WDFY4: variants seen among roughly 807,000 people sequenced by gnomAD.
WDFY4 encodes the protein WDFY family member 4.
Under a neutral mutation model 351.9 loss-of-function variants are expected in WDFY4, and 169 were observed. The ratio of observed to expected loss-of-function variants is 0.48; its 90% CI spans 0.42 to 0.55. The LOEUF (loss-of-function observed/expected upper bound fraction) is 0.55. Among genes scored for constraint, WDFY4 ranks in the 20% least tolerant of loss-of-function variants. The pLI, the probability that WDFY4 is intolerant of heterozygous loss-of-function variation, is 0.00. For missense variants in WDFY4, 3,803 were observed against 3,935.6 expected (o/e 0.97, Z 0.90); for synonymous variants, 1,622 against 1,574.6 (o/e 1.03, Z -0.71).
At position 48,787,858 on chromosome 10, in the gene WDFY4, T is replaced by TTCTTCTTC. The variant is rs1206154453; in HGVS notation, c.3809-671_3809-670insCTTCTTCT. On this transcript the variant is annotated intron_variant, in intron 20 of 61. Transcript: ENST00000325239. ...CTTCTTCTTCTTCTTCTTCTTCTTC[T>TTCTTCTTC]TTCTTCTTCTTTCTTCTTTCTTTCT... is the stretch of plus-strand genomic sequence containing the variant. 4.2e-4 allele frequency among the ~76,000 whole-genome samples: 28 copies of TTCTTCTTC among 66,054 alleles called. 1 individual carries two copies. Among genetic ancestry groups the TTCTTCTTC allele is most frequent in the East Asian group, 2.3e-3 (2 of 884 alleles). The allele number at this position is 66,054 out of a possible 152,430, so 43.3% of individuals were successfully genotyped here. A position where few individuals can be genotyped will look rare whatever the true frequency, so the allele number is the denominator to read the frequency against.
intron 35 of WDFY4, chr10:48,823,406 C>G: frequency 8.3e-7 from 1 of 1,207,040 alleles, no homozygotes. Context: ...AGGAGGACCA[C>G]TCTCCTTCCT....
At chr10:48,705,499 G>A (rs1589422634) in intron 1 of WDFY4, among the ~76,000 whole-genome samples, 2 of 152,056 alleles carry the variant, frequency 1.3e-5, no homozygotes, top group South Asian at 4.1e-4. Flanking sequence ...ACGGATGAGA[G>A]TGTTTTTTTC....
Position 48,946,897 on chromosome 10 carries a change from C to T in WDFY4, c.7905C>T (p.Tyr2635=). 2 of 1,552,092 alleles carry T rather than the reference C, an allele frequency of 1.3e-6. No individual in the cohort carries two copies. Among genetic ancestry groups the T allele is most frequent in the South Asian group, 1.2e-5 (1 of 84,058 alleles). Residue 2635 remains tyrosine, a synonymous_variant, in exon 51 of 62, where the codon TAC becomes TAT. Coordinates refer to ENST00000325239, the MANE Select transcript of WDFY4 (RefSeq NM_001394531.1). Reference sequence around the variant, plus strand: ...TCCAGTGCCACTACTACACCCACTACTCCTCGGCCATCATCGTGGCCTCCT... The same window carrying T: ...TCCAGTGCCACTACTACACCCACTATTCCTCGGCCATCATCGTGGCCTCCT... The part of the protein sequence containing the change: ...MTVQCHYYTH[Y]SSAIIVASYL...
intron 10 of WDFY4, 108 bp downstream of exon 10, chr10:48,734,143 C>T (rs1190724000): frequency 2.1e-6 from 2 of 947,982 alleles, no homozygotes; most frequent in South Asian, 1.6e-5. Context: ...AACCAATACA[C>T]AGCGTTAGCT....
intron 35 of WDFY4, chr10:48,824,148 T>C: frequency 1.0e-6 from 1 of 985,444 alleles, no homozygotes; most frequent in African/African-American, 1.7e-5. Flanking sequence ...TGAATTAAAA[T>C]CTTCTGGACT....
chr10:48,857,012 T>C (rs1688744909), intron 39 of WDFY4, among the ~76,000 whole-genome samples: 1 of 152,208 alleles, frequency 6.6e-6, no homozygotes, highest in South Asian at 2.1e-4. Context: ...GTTGTTTCAT[T>C]TGAGATGACA....
At chr10:48,854,243 G>A (rs995749860) in intron 39 of WDFY4, among the ~76,000 whole-genome samples, 3 of 151,746 alleles carry the variant, frequency 2.0e-5, no homozygotes, top group African/African-American at 7.3e-5. Flanking sequence ...TGAGTAGCTG[G>A]GACTACAGGT....
At chr10:48,914,109 T>C in intron 47 of WDFY4, 2 of 1,614,226 alleles carry the variant, frequency 1.2e-6, no homozygotes, top group Non-Finnish European at 1.7e-6. Flanking sequence ...CCTGGCCACC[T>C]TGAGGGTGAT....
At chr10:48,804,179 A>G (rs1363718664) in intron 25 of WDFY4, among the ~76,000 whole-genome samples, 6 of 152,180 alleles carry the variant, frequency 3.9e-5, no homozygotes, top group African/African-American at 7.2e-5. Flanking sequence ...GGAAGCCCAC[A>G]TATCACCCCA....
intron 24 of WDFY4, among the ~76,000 whole-genome samples, chr10:48,800,730 C>CTTTCTTT (rs1555016198): frequency 5.4e-5 from 5 of 92,790 alleles, no homozygotes; most frequent in African/African-American, 9.5e-5. Context: ...TTCATTCTTT[C>CTTTCTTT]TTTTTTTTTT....
At chr10:48,834,904 C>A (rs1277896237) in intron 39 of WDFY4, among the ~76,000 whole-genome samples, 1 of 152,220 alleles carries the variant, frequency 6.6e-6, no homozygotes, top group Non-Finnish European at 1.5e-5. Context: ...GCTGAGTAGA[C>A]CACCATGTTT....
intron 31 of WDFY4, among the ~76,000 whole-genome samples, chr10:48,815,047 T>C (rs1484308247): frequency 1.3e-5 from 2 of 152,372 alleles, no homozygotes; most frequent in South Asian, 2.1e-4. Flanking sequence ...AATATCTTTC[T>C]TTCTGTCTTG....
At chr10:48,820,483 C>T (rs777435592) in intron 33 of WDFY4, 46 bp downstream of exon 33, 264 of 1,532,920 alleles carry the variant, frequency 1.7e-4, no homozygotes, top group Non-Finnish European at 2.2e-4. Context: ...TGGAGGCTGC[C>T]GGCATACCGG....
chr10:48,797,718 G>A (rs1189710219), intron 24 of WDFY4, among the ~76,000 whole-genome samples: 1 of 152,044 alleles, frequency 6.6e-6, no homozygotes, highest in African/African-American at 2.4e-5. Context: ...GTTATAAATT[G>A]TGTTATAGAT....
At chr10:48,697,038 C>T (rs181685326) in intron 1 of WDFY4, among the ~76,000 whole-genome samples, 45 of 152,264 alleles carry the variant, frequency 3.0e-4, no homozygotes, top group South Asian at 4.1e-4. Context: ...AGGGGTCAGG[C>T]TGGCCAGAGG....
chr10:48,785,271 T>C (rs2066368627), intron 19 of WDFY4, among the ~76,000 whole-genome samples: 1 of 152,202 alleles, frequency 6.6e-6, no homozygotes. Context: ...GTTAGATATG[T>C]GATTTGCGAT....
intron 13 of WDFY4, among the ~76,000 whole-genome samples, chr10:48,760,904 G>C (rs1363298634): frequency 6.6e-6 from 1 of 152,192 alleles, no homozygotes; most frequent in Non-Finnish European, 1.5e-5. Context: ...CCGCCTCTAT[G>C]ATGGGGATGA....
intron 12 of WDFY4, among the ~76,000 whole-genome samples, chr10:48,751,652 G>A (rs1292736917): frequency 1.3e-5 from 2 of 152,196 alleles, no homozygotes; most frequent in Non-Finnish European, 2.9e-5. Flanking sequence ...CTGCACAAAT[G>A]AGGCCGCTTT....
At chr10:48,798,542 C>T (rs182367070) in intron 24 of WDFY4, among the ~76,000 whole-genome samples, 1 of 152,138 alleles carries the variant, frequency 6.6e-6, no homozygotes, top group East Asian at 1.9e-4. Context: ...TTCATTTGAA[C>T]AATCTCATCG....
Sources: allele counts gnomAD v4.1 joint callset (sites outside exome capture counted in the v4.1 genomes callset), GRCh38; gene constraint gnomAD v4.1.1; transcripts MANE v1.5; gene names NCBI Gene and HGNC (gene_info 2026-07-23, HGNC 2026-07-21).